The following ROBO1 variants were observed in gnomAD, a reference collection of about 807,000 sequenced individuals.
The protein encoded by ROBO1 is roundabout homolog 1.
ROBO1 carries 149 observed loss-of-function variants against 195.9 expected under a neutral mutation model. That is an observed-to-expected ratio of 0.76 (90% CI 0.67 to 0.87). The LOEUF is 0.87. Ranked by LOEUF, ROBO1 falls within the 40% of genes least tolerant of loss-of-function variation. The pLI, the probability that ROBO1 is intolerant of heterozygous loss-of-function variation, is 0.00. For missense variants in ROBO1, 1,933 were observed against 2,068.3 expected (o/e 0.93, Z 1.27); for synonymous variants, 816 against 733.2 (o/e 1.11, Z -1.82).
chr3:79,517,289 G>A (rs971569728), intron 2 of ROBO1, among the ~76,000 whole-genome samples: 6 of 152,084 alleles, frequency 3.9e-5, no homozygotes, highest in South Asian at 2.1e-4. Context: ...AATTTCCAGC[G>A]AGTGCTTCTT....
intron 2 of ROBO1, among the ~76,000 whole-genome samples, chr3:79,285,384 G>A (rs927347605): frequency 2.6e-5 from 4 of 152,158 alleles, no homozygotes; most frequent in African/African-American, 9.6e-5. Context: ...TTACTAAATA[G>A]GTCAAAGGTT....
At chr3:79,249,048 A>ATCC (rs746297129) in intron 2 of ROBO1, among the ~76,000 whole-genome samples, 213 of 152,326 alleles carry the variant, frequency 1.4e-3, no homozygotes, top group Non-Finnish European at 2.2e-3. Flanking sequence ...TCTACCTGTT[A>ATCC]TCCTGTCTTC....
chr3:78,916,433 T>A (rs1433020646), intron 4 of ROBO1, among the ~76,000 whole-genome samples: 3 of 150,226 alleles, frequency 2.0e-5, no homozygotes, highest in Non-Finnish European at 4.4e-5. Flanking sequence ...GTGCCTGTAC[T>A]CCCAGCTATT....
chr3:79,766,501 A>G (rs1057298752), intron 1 of ROBO1, among the ~76,000 whole-genome samples: 2 of 151,176 alleles, frequency 1.3e-5, no homozygotes, highest in Non-Finnish European at 3.0e-5. Flanking sequence ...GCCAGGTGTG[A>G]GCGCCCTCCA....
chr3:79,079,385 AT>A (rs1327902313), intron 3 of ROBO1, among the ~76,000 whole-genome samples: 4 of 151,838 alleles, frequency 2.6e-5, no homozygotes, highest in Non-Finnish European at 5.9e-5. Context: ...CAGCAAGAAT[AT>A]TTTCTAAAGA....
chr3:79,322,848 CT>C (rs989904241), intron 2 of ROBO1, among the ~76,000 whole-genome samples: 7 of 152,084 alleles, frequency 4.6e-5, no homozygotes, highest in Non-Finnish European at 8.8e-5. Context: ...TTTTATAGCA[CT>C]TCCTAAAGCA....
chr3:79,375,413 C>T (rs950597636), intron 2 of ROBO1, among the ~76,000 whole-genome samples: 1 of 152,138 alleles, frequency 6.6e-6, no homozygotes, highest in Non-Finnish European at 1.5e-5. Flanking sequence ...TTTTACTATT[C>T]ATTAGACAGA....
intron 2 of ROBO1, among the ~76,000 whole-genome samples, chr3:79,440,779 C>T (rs568298314): frequency 6.6e-6 from 1 of 152,134 alleles, no homozygotes; most frequent in African/African-American, 2.4e-5. Flanking sequence ...AGAATATAGA[C>T]ACTGTTTGAG....
intron 3 of ROBO1, among the ~76,000 whole-genome samples, chr3:79,051,931 T>C (rs527719885): frequency 2.0e-5 from 3 of 152,124 alleles, no homozygotes; most frequent in Non-Finnish European, 2.9e-5. Context: ...TGAGGATGTA[T>C]GTTGCCTCAG....
chr3:79,115,310 G>A (rs1454059143), intron 3 of ROBO1, among the ~76,000 whole-genome samples: 1 of 152,132 alleles, frequency 6.6e-6, no homozygotes, highest in Non-Finnish European at 1.5e-5. Flanking sequence ...GTTTAGAGGG[G>A]AGAACTTTGA....
intron 10 of ROBO1, among the ~76,000 whole-genome samples, chr3:78,679,061 C>A (rs557827327): frequency 6.6e-6 from 1 of 152,196 alleles, no homozygotes; most frequent in East Asian, 1.9e-4. Flanking sequence ...ATAAACAGAA[C>A]CAAAGACAAA....
intron 4 of ROBO1, among the ~76,000 whole-genome samples, chr3:78,890,533 T>C (rs890121112): frequency 5.3e-5 from 8 of 152,110 alleles, no homozygotes; most frequent in Non-Finnish European, 7.3e-5. Flanking sequence ...GACAATTTGT[T>C]ATAGGAGCCC....
intron 1 of ROBO1, among the ~76,000 whole-genome samples, chr3:79,610,121 A>C (rs910456660): frequency 4.6e-5 from 7 of 151,954 alleles, no homozygotes; most frequent in African/African-American, 1.7e-4. Flanking sequence ...AATTTAGGTC[A>C]TTAGAAAACT....
At chr3:78,963,985 G>A (rs1011496209) in intron 3 of ROBO1, among the ~76,000 whole-genome samples, 7 of 152,122 alleles carry the variant, frequency 4.6e-5, no homozygotes, top group East Asian at 1.9e-4. Context: ...TTAGAAGTTC[G>A]AGATCAAGGT....
At chr3:79,038,589 T>A (rs1177015355) in intron 3 of ROBO1, among the ~76,000 whole-genome samples, 1 of 152,108 alleles carries the variant, frequency 6.6e-6, no homozygotes, top group East Asian at 1.9e-4. Context: ...ATTTTGTAAT[T>A]TTTTTCCTCA....
intron 4 of ROBO1, among the ~76,000 whole-genome samples, chr3:78,878,378 G>C (rs2035975800): frequency 6.6e-6 from 1 of 151,988 alleles, no homozygotes; most frequent in Non-Finnish European, 1.5e-5. Flanking sequence ...CTGAGGTCAG[G>C]AGTTTGAGAC....
At chr3:79,347,229 C>T (rs185038905) in intron 2 of ROBO1, among the ~76,000 whole-genome samples, 48 of 152,160 alleles carry the variant, frequency 3.2e-4, no homozygotes, top group African/African-American at 8.7e-4. Context: ...ATTTCCATAA[C>T]ATGCCTTAAA....
chr3:79,021,978 G>A (rs116047286), intron 3 of ROBO1, among the ~76,000 whole-genome samples: 1 of 152,094 alleles, frequency 6.6e-6, no homozygotes, highest in African/African-American at 2.4e-5. Flanking sequence ...TGATATTTCC[G>A]AGGACAGTCA....
intron 2 of ROBO1, among the ~76,000 whole-genome samples, chr3:79,258,742 A>T (rs548590952): frequency 6.6e-6 from 1 of 152,264 alleles, no homozygotes; most frequent in Non-Finnish European, 1.5e-5. Context: ...AGACACAAAC[A>T]CAGATGAGCA....
Sources: allele counts gnomAD v4.1 joint callset (sites outside exome capture counted in the v4.1 genomes callset), GRCh38; gene constraint gnomAD v4.1.1; transcripts MANE v1.5; gene names NCBI Gene and HGNC (gene_info 2026-07-23, HGNC 2026-07-21).